Variants in ANO3 observed in about 807,000 individuals in gnomAD.
ANO3 encodes the protein anoctamin 3.
In ANO3, 99 loss-of-function variants were observed where a neutral mutation model predicts 144.8. That is an observed-to-expected ratio of 0.68 (90% confidence interval 0.58 to 0.81). The LOEUF is 0.81. Among genes scored for constraint, ANO3 ranks in the 30% least tolerant of loss-of-function variants. The pLI is 0.00. For missense variants in ANO3, 905 were observed against 1,202.2 expected, an observed-to-expected ratio of 0.75 and a Z score of 3.66; for synonymous variants, 414 against 392.6, an observed-to-expected ratio of 1.05 and a Z score of -0.64.
intron 1 of ANO3, among the ~76,000 whole-genome samples, chr11:26,421,342 C>T (rs570006437): frequency 8.7e-4 from 133 of 152,086 alleles, no homozygotes; most frequent in Middle Eastern, 3.4e-3. Context: ...TTAGAAAATT[C>T]TGTGTCCATT....
chr11:26,494,524 A>G (rs1453450932), intron 4 of ANO3, among the ~76,000 whole-genome samples: 1 of 152,212 alleles, frequency 6.6e-6, no homozygotes, highest in Non-Finnish European at 1.5e-5. Context: ...CCACAAAATT[A>G]AAGAAATATG....
intron 1 of ANO3, among the ~76,000 whole-genome samples, chr11:26,371,552 C>T (rs1029159376): frequency 1.1e-4 from 17 of 152,308 alleles, no homozygotes; most frequent in African/African-American, 3.8e-4. Context: ...TTGCACCATG[C>T]ACCTGGAAGA....
At chr11:26,588,270 T>C (rs1234818488) in intron 14 of ANO3, among the ~76,000 whole-genome samples, 1 of 152,212 alleles carries the variant, frequency 6.6e-6, no homozygotes, top group East Asian at 1.9e-4. Context: ...CTAATAATTT[T>C]AGTAGGGATT....
At chr11:26,374,418 T>A (rs1856347741) in intron 1 of ANO3, among the ~76,000 whole-genome samples, 1 of 152,160 alleles carries the variant, frequency 6.6e-6, no homozygotes, top group Non-Finnish European at 1.5e-5. Flanking sequence ...TGAACACGTG[T>A]TTTCTTTTAG....
At chr11:26,453,145 T>C (rs1032789796) in intron 3 of ANO3, among the ~76,000 whole-genome samples, 39 of 152,134 alleles carry the variant, frequency 2.6e-4, no homozygotes, top group African/African-American at 4.1e-4. Context: ...GTAAAGACCA[T>C]TGAGACTAGG....
At chr11:26,449,462 C>G (rs556747798) in intron 3 of ANO3, among the ~76,000 whole-genome samples, 34 of 62,950 alleles carry the variant, frequency 5.4e-4, no homozygotes, top group African/African-American at 2.3e-3. Context: ...CTCTCTCTCT[C>G]TGTCTGTCTG....
intron 13 of ANO3, 75 bp from the exon 14 acceptor site, chr11:26,559,644 C>A: frequency 1.0e-6 from 1 of 995,160 alleles, no homozygotes; most frequent in Non-Finnish European, 1.6e-6. Context: ...ATCATAGTAC[C>A]TGAGTGCAAA....
chr11:26,199,834 ATTTTG>A (rs1420446725), intron 1 of ANO3, among the ~76,000 whole-genome samples: 1 of 152,078 alleles, frequency 6.6e-6, no homozygotes, highest in Non-Finnish European at 1.5e-5. Flanking sequence ...TTTTTGTTTC[ATTTTG>A]TTTTGTTTTA....
At chr11:26,601,208 G>A (rs1196733913) in intron 17 of ANO3, among the ~76,000 whole-genome samples, 1 of 152,172 alleles carries the variant, frequency 6.6e-6, no homozygotes, top group Non-Finnish European at 1.5e-5. Flanking sequence ...CCATACATAA[G>A]TAATAAGGTT....
At chr11:26,569,952 T>C (rs1051933625) in intron 14 of ANO3, among the ~76,000 whole-genome samples, 9 of 151,984 alleles carry the variant, frequency 5.9e-5, no homozygotes, top group South Asian at 2.1e-4. Context: ...TCTTTTTGCA[T>C]CTGGGTGGTA....
rs547704290 is a variant in ANO3 at position 26,583,764 on chromosome 11, G to A, written c.1448-14601G>A. ...ATTGGGAAAGCACATTATGCTTGAG[G>A]ATGATGCTGAAAATAAACCTGGGGA... On this transcript the variant is annotated intron_variant, in intron 14 of 26. Transcript: ENST00000256737. Among the ~76,000 whole-genome samples, 11 of 152,304 alleles carry A rather than the reference G, an allele frequency of 7.2e-5. No homozygotes were observed. In the South Asian group the frequency reaches 1.9e-3, roughly 26 times the overall value.
At chr11:26,540,948 A>G (rs1849627053) in intron 10 of ANO3, among the ~76,000 whole-genome samples, 1 of 152,188 alleles carries the variant, frequency 6.6e-6, no homozygotes, top group Admixed American at 6.5e-5. Context: ...ATTACTGGGT[A>G]TATACCCAAA....
At chr11:26,281,921 C>T (rs78610064) in intron 1 of ANO3, among the ~76,000 whole-genome samples, 9,109 of 152,134 alleles carry the variant, frequency 0.06, 499 homozygotes, top group African/African-American at 0.14. Context: ...TGAAGACATG[C>T]AGTTCGTCTA....
chr11:26,491,466 A>T (rs1271561614), intron 4 of ANO3, among the ~76,000 whole-genome samples: 3 of 152,190 alleles, frequency 2.0e-5, no homozygotes, highest in African/African-American at 7.2e-5. Context: ...CTCAAAAATT[A>T]CTAAAAATTT....
At chr11:26,389,787 A>C (rs905352052) in intron 1 of ANO3, among the ~76,000 whole-genome samples, 2 of 152,136 alleles carry the variant, frequency 1.3e-5, no homozygotes, top group Non-Finnish European at 2.9e-5. Flanking sequence ...TTTTTGAATA[A>C]AAGATTCTAA....
Position 26,573,247 on chromosome 11 carries a change from A to C in ANO3, c.1447+13468A>C, listed in dbSNP as rs1450969617. 2.0e-5 allele frequency among the ~76,000 whole-genome samples: 3 copies of C among 152,192 alleles called. No individual in the cohort carries two copies. The East Asian group carries it at 5.8e-4, about 29-fold the overall frequency. The stretch of plus-strand genomic sequence containing the variant: ...CAGTTAATTGGCCCGAGGAAAGAAC[A>C]AGGTAATTCTATAGTTTTAAATTTT... On this transcript the variant is annotated intron_variant, in intron 14 of 26. Coordinates refer to ENST00000256737, the MANE Select transcript of ANO3 (RefSeq NM_031418.4).
intron 1 of ANO3, among the ~76,000 whole-genome samples, chr11:26,258,988 G>A (rs938540388): frequency 1.1e-4 from 16 of 152,122 alleles, no homozygotes; most frequent in Admixed American, 2.0e-4. Flanking sequence ...AGTTTAGATT[G>A]GGTTAACTTC....
chr11:26,612,188 TG>T (rs895513151), intron 17 of ANO3, among the ~76,000 whole-genome samples: 1 of 152,078 alleles, frequency 6.6e-6, no homozygotes, highest in Non-Finnish European at 1.5e-5. Context: ...TTCCTTTCTT[TG>T]TCTCTGTTTG....
chr11:26,501,306 G>A (rs1125623), intron 4 of ANO3, among the ~76,000 whole-genome samples: 91,071 of 151,992 alleles, frequency 0.6, 27,966 homozygotes, highest in East Asian at 0.68. Flanking sequence ...CCAGAGTCAC[G>A]CCCTGCTTCC....
Sources: gnomAD v4.1 joint callset for allele counts (sites outside exome capture counted in the v4.1 genomes callset) on GRCh38, gnomAD v4.1.1 for gene constraint, MANE v1.5 for transcripts, NCBI Gene and HGNC (gene_info 2026-07-23, HGNC 2026-07-21) for gene names.